NUP133: variants seen among roughly 807,000 people sequenced by gnomAD.
The protein encoded by NUP133 is nuclear pore complex protein Nup133.
In NUP133, 66 loss-of-function variants were observed where a neutral mutation model predicts 146.2. The observed-to-expected ratio is 0.45, with a 90% CI of 0.37 to 0.55. The LOEUF (loss-of-function observed/expected upper bound fraction) is 0.55, where lower values mean the gene tolerates loss of function less well. NUP133 is among the 20% of genes least tolerant of loss of function. The pLI is 0.00. For synonymous variants in NUP133, 521 were observed against 498.8 expected, an observed-to-expected ratio of 1.04 and a Z score of -0.59; for missense variants, 1,277 against 1,374.8, an observed-to-expected ratio of 0.93 and a Z score of 1.12.
At chr1:229,479,339 C>A (rs1241050749) in intron 12 of NUP133, among the ~76,000 whole-genome samples, 12 of 152,184 alleles carry the variant, frequency 7.9e-5, no homozygotes, top group African/African-American at 2.9e-4. Context: ...ATTATGTAGA[C>A]CCACACAGTT....
At chr1:229,476,339 G>T (rs1014718017) in intron 13 of NUP133, among the ~76,000 whole-genome samples, 12 of 152,192 alleles carry the variant, frequency 7.9e-5, no homozygotes, top group African/African-American at 2.7e-4. Context: ...AAGGAGATGA[G>T]CTCTCATGTT....
At chr1:229,462,182 C>A (rs1460742098) in intron 19 of NUP133, among the ~76,000 whole-genome samples, 1 of 152,192 alleles carries the variant, frequency 6.6e-6, no homozygotes, top group Non-Finnish European at 1.5e-5. Flanking sequence ...CCTTGCCCAG[C>A]CCAACAACTG....
rs1415816975 is a variant in NUP133 at position 229,452,514 on chromosome 1, A to G, written c.3099+11T>C. 8 of 1,596,942 alleles carry G rather than the reference A, an allele frequency of 5.0e-6. No individual in the cohort carries two copies. The highest frequency in any genetic ancestry group is 6.9e-6 in the Non-Finnish European group (8 of 1,166,850). ...TTAAGAAATAGCGTTAAGGATTTGAAAAGCACATACACCAATGAGTTGTGG... is the reference window on the plus strand; with the variant it reads ...TTAAGAAATAGCGTTAAGGATTTGAGAAGCACATACACCAATGAGTTGTGG... On this transcript the variant is annotated intron_variant, in intron 22 of 25. Transcript: ENST00000261396.
chr1:229,449,283 A>G (rs2102747265), intron 23 of NUP133, 93 bp from the exon 24 acceptor site: 2 of 719,672 alleles, frequency 2.8e-6, no homozygotes, highest in South Asian at 3.6e-5. Flanking sequence ...ACATACATAG[A>G]AGCCAATTAA....
intron 1 of NUP133, among the ~76,000 whole-genome samples, chr1:229,506,616 C>T (rs1558111793): frequency 6.6e-6 from 1 of 151,680 alleles, no homozygotes; most frequent in South Asian, 2.1e-4. Context: ...CTTAAGAGTC[C>T]ACCAGACCTG....
Position 229,463,682 on chromosome 1 carries a change from G to C in NUP133, c.2552-6C>G, listed in dbSNP as rs1163197994. 6.3e-7 allele frequency: 1 copy of C among 1,585,116 alleles called. No homozygotes were observed. The highest frequency in any genetic ancestry group is 8.5e-7 in the Non-Finnish European group (1 of 1,171,334). ...CAGGTACTGGCCTAGTGAAACTGTGGGAATGAGAAAAGATGGGAAAAAATC... is the reference window on the plus strand; with the variant it reads ...CAGGTACTGGCCTAGTGAAACTGTGCGAATGAGAAAAGATGGGAAAAAATC... On this transcript the variant is annotated splice_region_variant and splice_polypyrimidine_tract_variant and intron_variant, in intron 18 of 25. Coordinates refer to ENST00000261396, the MANE Select transcript of NUP133 (RefSeq NM_018230.3).
intron 8 of NUP133, among the ~76,000 whole-genome samples, chr1:229,492,662 G>C (rs1490665101): frequency 6.6e-6 from 1 of 151,868 alleles, no homozygotes; most frequent in Non-Finnish European, 1.5e-5. Flanking sequence ...AGTAACTCAG[G>C]AATGGAAAAC....
At chr1:229,498,056 A>G in intron 6 of NUP133, 80 bp downstream of exon 6, 1 of 1,013,640 alleles carries the variant, frequency 9.9e-7, no homozygotes, top group Non-Finnish European at 1.4e-6. Flanking sequence ...ATATGGAGGA[A>G]TACTAAATTC....
intron 10 of NUP133, 93 bp downstream of exon 10, chr1:229,487,373 G>C (rs1323353777): frequency 8.2e-7 from 1 of 1,215,656 alleles, no homozygotes; most frequent in Non-Finnish European, 1.2e-6. Context: ...TTTGAAAGCA[G>C]CATGCTTGAA....
In NUP133 at chr1:229,490,105, A is replaced by G. The variant is rs1333608391; in HGVS notation, c.1047-3T>C. On this transcript the variant is annotated splice_region_variant and splice_polypyrimidine_tract_variant and intron_variant, in intron 8 of 25. Coordinates refer to ENST00000261396, the MANE Select transcript of NUP133 (RefSeq NM_018230.3). ...CTGCCAAAATCACCAGCCCATCACT[A>G]ATCAATAAAAAAGGAAGATGTAAAG... The G allele has an allele frequency of 4.5e-6, 7 of 1,539,112 alleles. No homozygotes were observed. The South Asian group carries it at 8.8e-5, about 19-fold the overall frequency.
At chr1:229,485,619 T>A (rs1219609126) in intron 11 of NUP133, among the ~76,000 whole-genome samples, 1 of 151,830 alleles carries the variant, frequency 6.6e-6, no homozygotes, top group African/African-American at 2.4e-5. Context: ...GAGGAAGGAG[T>A]ATAAGGTAAC....
intron 14 of NUP133, among the ~76,000 whole-genome samples, chr1:229,472,090 C>A (rs866535384): frequency 6.6e-6 from 1 of 152,012 alleles, no homozygotes; most frequent in Non-Finnish European, 1.5e-5. Flanking sequence ...GAGGCCGAGG[C>A]GGGCGGATCA....
intron 24 of NUP133, 44 bp downstream of exon 24, chr1:229,449,082 G>A (rs754417097): frequency 2.3e-5 from 33 of 1,425,228 alleles, no homozygotes; most frequent in Non-Finnish European, 3.3e-5. Context: ...CAGAGGAAAA[G>A]CAGTTTCTAT....
At chr1:229,506,995 C>G (rs1661960637) in intron 1 of NUP133, among the ~76,000 whole-genome samples, 1 of 152,088 alleles carries the variant, frequency 6.6e-6, no homozygotes, top group Admixed American at 6.5e-5. Context: ...AAAAGGTAGT[C>G]TATGTCTTAT....
chr1:229,481,557 A>C (rs955958890), intron 12 of NUP133, among the ~76,000 whole-genome samples: 9 of 151,780 alleles, frequency 5.9e-5, no homozygotes, highest in East Asian at 1.9e-4. Context: ...AAATTCAAAA[A>C]ATTAGCCGGG....
chr1:229,456,668 T>C (rs963686597), intron 21 of NUP133, among the ~76,000 whole-genome samples: 1 of 152,034 alleles, frequency 6.6e-6, no homozygotes, highest in Non-Finnish European at 1.5e-5. Flanking sequence ...CTCATGCTAC[T>C]GGGGTGTCAC....
At chr1:229,463,450 T>C in intron 19 of NUP133, 93 bp downstream of exon 19, 5 of 1,345,220 alleles carry the variant, frequency 3.7e-6, no homozygotes, top group Non-Finnish European at 5.1e-6. Flanking sequence ...CGTATCATAT[T>C]CCAAAAGCCC....
At position 229,499,743 on chromosome 1, in the gene NUP133, T is replaced by C. The variant is rs765684960; in HGVS notation, c.589A>G (p.Thr197Ala). ...CCTCCCGAATCTACAAAAGCCTCTGTGTAGGTATCTTCACCAGCAAGGCTT... is the reference window on the plus strand; with the variant it reads ...CCTCCCGAATCTACAAAAGCCTCTGCGTAGGTATCTTCACCAGCAAGGCTT... ...WPSLAGEDTY[T>A]EAFVDSGGDK... The change falls in exon 5 of 26, where the codon ACA becomes GCA. Residue 197 changes from threonine to alanine, a missense_variant. Thr to Ala is a moderately conservative substitution (Grantham distance 58). Around this residue, in one of 3 missense-constraint regions of NUP133, gnomAD observed 319 missense variants for 306.9 expected, o/e 1.04. Transcript: ENST00000261396. The C allele has an allele frequency of 6.2e-7, 1 of 1,614,172 alleles. No individual in the cohort carries two copies. Among genetic ancestry groups the C allele is most frequent in the South Asian group, 1.1e-5 (1 of 91,082 alleles).
chr1:229,463,785 CA>C (rs1660749955), intron 18 of NUP133, 109 bp from the exon 19 acceptor site: 2 of 1,185,762 alleles, frequency 1.7e-6, no homozygotes, highest in Non-Finnish European at 1.2e-6. Context: ...AACCAACAAT[CA>C]TTAATGGAAT....
Sources: allele counts gnomAD v4.1 joint callset (sites outside exome capture counted in the v4.1 genomes callset), GRCh38; gene constraint gnomAD v4.1.1; regional missense constraint gnomAD v4.1.1; transcripts MANE v1.5; gene names NCBI Gene and HGNC (gene_info 2026-07-23, HGNC 2026-07-21).